The following CDC27 variants were observed in gnomAD, a reference collection of about 807,000 sequenced individuals.
CDC27 encodes cell division cycle 27, also known as cell division cycle protein 27 homolog.
CDC27 carries 27 observed loss-of-function variants against 109.7 expected under a neutral mutation model. The observed-to-expected ratio is 0.25, with a 90% CI of 0.18 to 0.34. The LOEUF is 0.34. Among genes scored for constraint, CDC27 ranks in the 10% least tolerant of loss-of-function variants. The pLI, the probability that CDC27 is intolerant of heterozygous loss-of-function variation, is 1.00. For synonymous variants in CDC27, 266 were observed against 333.9 expected, an observed-to-expected ratio of 0.80 and a Z score of 2.22; for missense variants, 579 against 960.2, an observed-to-expected ratio of 0.60 and a Z score of 5.25.
chr17:47,185,260 G>A (rs1832126044), intron 1 of CDC27, among the ~76,000 whole-genome samples: 2 of 151,886 alleles, frequency 1.3e-5, no homozygotes, highest in Non-Finnish European at 1.5e-5. Context: ...CTCACTGCAA[G>A]CTCCACCTCC....
chr17:47,158,871 T>C (rs2063401508), intron 4 of CDC27, among the ~76,000 whole-genome samples: 1 of 152,090 alleles, frequency 6.6e-6, no homozygotes, highest in African/African-American at 2.4e-5. Context: ...TTACCTGTCT[T>C]GGCCTTCCAA....
chr17:47,154,088 C>CAAAAAAAA (rs536543231), intron 8 of CDC27, among the ~76,000 whole-genome samples: 1 of 70,674 alleles, frequency 1.4e-5, no homozygotes, highest in African/African-American at 5.9e-5. Context: ...GACCCTGTCT[C>CAAAAAAAA]AAAAAAAAAA....
chr17:47,121,095 A>C, intron 18 of CDC27, 78 bp from the exon 19 acceptor site: 1 of 904,340 alleles, frequency 1.1e-6, no homozygotes, highest in Non-Finnish European at 1.8e-6. Flanking sequence ...AAGTAAGAAA[A>C]ATTGTATTAT....
intron 16 of CDC27, among the ~76,000 whole-genome samples, chr17:47,127,040 T>A (rs1399928629): frequency 6.6e-6 from 1 of 152,154 alleles, no homozygotes; most frequent in Non-Finnish European, 1.5e-5. Context: ...GTGATCTGGC[T>A]GCCTTGGCCT....
intron 16 of CDC27, among the ~76,000 whole-genome samples, chr17:47,124,772 TG>T: frequency 6.6e-6 from 1 of 152,306 alleles, no homozygotes. Flanking sequence ...AAAATTCTAC[TG>T]TCCATTTGGA....
intron 8 of CDC27, among the ~76,000 whole-genome samples, chr17:47,153,204 G>A (rs1007821995): frequency 6.6e-6 from 1 of 152,188 alleles, no homozygotes; most frequent in Admixed American, 6.5e-5. Flanking sequence ...ACCTACATGC[G>A]TGACTTTTCT....
At chr17:47,167,230 T>C (rs858675) in intron 4 of CDC27, among the ~76,000 whole-genome samples, 92,342 of 152,136 alleles carry the variant, frequency 0.61, 28,536 homozygotes, top group Admixed American at 0.69. Flanking sequence ...GACTTTTTAT[T>C]ATCTAATGCA....
At chr17:47,127,718 T>C (rs889354056) in intron 16 of CDC27, among the ~76,000 whole-genome samples, 2 of 151,944 alleles carry the variant, frequency 1.3e-5, no homozygotes, top group African/African-American at 2.4e-5. Context: ...TTTTTTGTTT[T>C]TTAAGACAGG....
chr17:47,145,429 T>C (rs945825432), intron 9 of CDC27, among the ~76,000 whole-genome samples: 2 of 152,160 alleles, frequency 1.3e-5, no homozygotes, highest in African/African-American at 2.4e-5. Context: ...TTGAGTGTTA[T>C]ATAATAAAGA....
chr17:47,141,246 G>C (rs1265689331), intron 12 of CDC27, among the ~76,000 whole-genome samples: 1 of 152,038 alleles, frequency 6.6e-6, no homozygotes, highest in Non-Finnish European at 1.5e-5. Flanking sequence ...TTTCTAAAAG[G>C]TTTCTTTTTT....
rs762725641 is a variant in CDC27 at position 47,142,187 on chromosome 17, C to T, written c.1378+42G>A. ...TAAAGAAATTTACTTAAAATAAGTACATAATAAAATACAAAGATAATATTA... is the reference window on the plus strand; with the variant it reads ...TAAAGAAATTTACTTAAAATAAGTATATAATAAAATACAAAGATAATATTA... On this transcript the variant is annotated intron_variant, in intron 11 of 18. Coordinates refer to ENST00000066544, the MANE Select transcript of CDC27 (RefSeq NM_001256.6). 8.8e-6 allele frequency: 11 copies of T among 1,250,168 alleles called. No individual in the cohort carries two copies. In the East Asian group the frequency reaches 2.3e-4, roughly 26 times the overall value. 77.4% of individuals were successfully genotyped at this position (1,250,168 alleles called of 1,614,324 possible).
chr17:47,138,638 G>A (rs778094775), intron 13 of CDC27, 101 bp downstream of exon 13: 17 of 763,020 alleles, frequency 2.2e-5, no homozygotes, highest in South Asian at 3.4e-5. Flanking sequence ...AGAAATAAGC[G>A]TGGGTGACAC....
At chr17:47,124,234 G>A (rs2062064693) in intron 16 of CDC27, among the ~76,000 whole-genome samples, 1 of 131,866 alleles carries the variant, frequency 7.6e-6, no homozygotes, top group Non-Finnish European at 1.7e-5. Flanking sequence ...ATATGCAGGT[G>A]GTAACAATCC....
At position 47,139,319 on chromosome 17, in the gene CDC27, T is replaced by C. The variant is rs1278712630; in HGVS notation, c.1552-428A>G. 7.4e-5 allele frequency among the ~76,000 whole-genome samples: 11 copies of C among 148,528 alleles called. No homozygotes were observed. The Admixed American group carries it at 7.6e-4, about 10-fold the overall frequency. On this transcript the variant is annotated intron_variant, in intron 12 of 18. Coordinates refer to ENST00000066544, the MANE Select transcript of CDC27 (RefSeq NM_001256.6). ...TCTCACTCTGTCGCCCAGGCTGGAG[T>C]GCAGTGGCGCAATCTCGGCTCACTG...
intron 9 of CDC27, among the ~76,000 whole-genome samples, chr17:47,146,873 T>C (rs1486229720): frequency 6.6e-6 from 1 of 151,938 alleles, no homozygotes; most frequent in African/African-American, 2.4e-5. Flanking sequence ...GAGAACAGCC[T>C]GAGCAACACA....
chr17:47,157,069 T>C lies in CDC27; in HGVS notation c.686A>G (p.Asp229Gly). ...TGAATCAATATAAGACACTGAGGAA[T>C]CTGTATTCAAGGAGTACTTTGAATT... ...SSNSKYSLNTDSSVSYIDSAV... is the reference protein window; with the variant it reads ...SSNSKYSLNTGSSVSYIDSAV... Residue 229 changes from aspartate (D) to glycine (G), a missense_variant, in exon 7 of 19, where the codon GAT becomes GGT. Physicochemically the swap from Asp to Gly is moderately conservative, Grantham distance 94 (BLOSUM62 -1). Around this residue, in one of 9 missense-constraint regions of CDC27, gnomAD observed 74 missense variants for 148.9 expected, o/e 0.50. Transcript: ENST00000066544. The C allele has an allele frequency of 6.3e-7, 1 of 1,599,012 alleles. No homozygotes were observed. Among genetic ancestry groups the C allele is most frequent in the Non-Finnish European group, 8.5e-7 (1 of 1,171,274 alleles).
chr17:47,131,653 C>T (rs957699689), intron 15 of CDC27, among the ~76,000 whole-genome samples: 1 of 151,184 alleles, frequency 6.6e-6, no homozygotes, highest in Non-Finnish European at 1.5e-5. Flanking sequence ...TATCTTTTCT[C>T]CTGTTAAAGT....
chr17:47,156,729 T>C, intron 7 of CDC27, 184 bp downstream of exon 7: 2 of 394,670 alleles, frequency 5.1e-6, no homozygotes, highest in Non-Finnish European at 9.0e-6. Flanking sequence ...ATTACAGGCA[T>C]GAGCCACCGC....
At chr17:47,153,025 C>T (rs1377211890) in intron 8 of CDC27, among the ~76,000 whole-genome samples, 1 of 152,090 alleles carries the variant, frequency 6.6e-6, no homozygotes. Flanking sequence ...TCTAATGTAC[C>T]ACCACTTCAA....
Sources: allele counts gnomAD v4.1 joint callset (sites outside exome capture counted in the v4.1 genomes callset), GRCh38; gene constraint gnomAD v4.1.1; regional missense constraint gnomAD v4.1.1; transcripts MANE v1.5; gene names NCBI Gene and HGNC (gene_info 2026-07-23, HGNC 2026-07-21).